The following FBXL2 variants were observed in gnomAD, a reference collection of about 807,000 sequenced individuals.
FBXL2 encodes F-box/LRR-repeat protein 2.
A neutral mutation model predicts 69.2 loss-of-function variants in FBXL2; 38 were observed. The ratio of observed to expected loss-of-function variants is 0.55; its 90% CI spans 0.42 to 0.72. FBXL2 has a LOEUF of 0.72. FBXL2 is among the 30% of genes least tolerant of loss of function. FBXL2 has a pLI of 0.00. For synonymous variants in FBXL2, 192 were observed against 201.3 expected (o/e 0.95, Z 0.39); for missense variants, 354 against 520.3 (o/e 0.68, Z 3.11).
At chr3:33,392,275 T>C (rs116065258), downstream of FBXL2, 266 of 304,998 alleles carry the variant, frequency 8.7e-4, 1 homozygote, top group African/African-American at 5.4e-3. Context: ...TCTGTTTTAT[T>C]CAATAGATCC....
intron 1 of FBXL2, among the ~76,000 whole-genome samples, chr3:33,291,484 T>G (rs1042192849): frequency 1.3e-5 from 2 of 152,168 alleles, no homozygotes; most frequent in African/African-American, 4.8e-5. Flanking sequence ...TTTTAAAATA[T>G]GTTTCTTTAA....
intron 2 of FBXL2, among the ~76,000 whole-genome samples, chr3:33,304,397 GT>G: frequency 6.6e-6 from 1 of 151,846 alleles, no homozygotes; most frequent in South Asian, 2.1e-4. Flanking sequence ...TATTAACTTC[GT>G]AAAAAAAGTA....
chr3:33,302,714 G>A lies in FBXL2; in HGVS notation c.65+4989G>A, dbSNP rs115019479. ...AATTTTCTTTCCTTTTTAAATTTGTGTGGATACATGATAAAATTTATTGGC... is the reference window on the plus strand; with the variant it reads ...AATTTTCTTTCCTTTTTAAATTTGTATGGATACATGATAAAATTTATTGGC... On this transcript the variant is annotated intron_variant, in intron 2 of 14. Transcript: ENST00000484457. 7.0e-3 allele frequency among the ~76,000 whole-genome samples: 1,066 copies of A among 152,164 alleles called. 14 individuals are homozygous for A. The highest frequency in any genetic ancestry group is 0.023 in the African/African-American group (969 of 41,484).
the FBXL2 span, chr3:33,412,663 T>C: frequency 9.0e-7 from 1 of 1,115,732 alleles, no homozygotes; most frequent in Non-Finnish European, 1.4e-6. Context: ...ACACAACACA[T>C]TACTGGCTAT....
intron 2 of FBXL2, among the ~76,000 whole-genome samples, chr3:33,335,634 A>C (rs1034232036): frequency 6.6e-6 from 1 of 152,198 alleles, no homozygotes; most frequent in South Asian, 2.1e-4. Context: ...GGTAGACTGC[A>C]AAAGGGACGT....
At chr3:33,290,371 C>T (rs913810802) in intron 1 of FBXL2, among the ~76,000 whole-genome samples, 21 of 152,118 alleles carry the variant, frequency 1.4e-4, no homozygotes, top group South Asian at 6.2e-4. Context: ...TTCTTTTATA[C>T]GCAGTATCTG....
At chr3:33,298,055 A>G in intron 2 of FBXL2, 1 of 303,594 alleles carries the variant, frequency 3.3e-6, no homozygotes, top group Non-Finnish European at 6.3e-6. Flanking sequence ...CATTATTGCA[A>G]GGTTGTGAGC....
At chr3:33,354,710 T>G (rs2041076990) in intron 2 of FBXL2, among the ~76,000 whole-genome samples, 1 of 152,194 alleles carries the variant, frequency 6.6e-6, no homozygotes, top group Non-Finnish European at 1.5e-5. Context: ...CAAAGATGTA[T>G]TTCATTATCG....
intron 2 of FBXL2, among the ~76,000 whole-genome samples, chr3:33,334,860 T>C (rs2039448841): frequency 6.6e-6 from 1 of 151,934 alleles, no homozygotes; most frequent in Non-Finnish European, 1.5e-5. Flanking sequence ...GCAGGTGGAA[T>C]GTTTGAGCTC....
chr3:33,370,082 A>G (rs1256286742), intron 5 of FBXL2, among the ~76,000 whole-genome samples: 1 of 151,968 alleles, frequency 6.6e-6, no homozygotes, highest in African/African-American at 2.4e-5. Flanking sequence ...CAGCTCTTCT[A>G]TGTCTAAAAA....
chr3:33,336,072 T>C (rs2039554685), intron 2 of FBXL2, among the ~76,000 whole-genome samples: 1 of 152,210 alleles, frequency 6.6e-6, no homozygotes, highest in African/African-American at 2.4e-5. Flanking sequence ...GCAGAGTTTT[T>C]TGTTTGGAAG....
chr3:33,334,805 G>A (rs988255492), intron 2 of FBXL2, among the ~76,000 whole-genome samples: 6 of 152,134 alleles, frequency 3.9e-5, no homozygotes, highest in Non-Finnish European at 7.4e-5. Flanking sequence ...GGGAGGCTGG[G>A]TGCAGTGGCT....
downstream of FBXL2, chr3:33,390,514 G>C (rs1159111204): frequency 4.9e-6 from 4 of 812,610 alleles, no homozygotes; most frequent in South Asian, 1.7e-5. Flanking sequence ...AGATTAACTT[G>C]CTCTAGCTCC....
chr3:33,302,587 A>C (rs1046355809), intron 2 of FBXL2, among the ~76,000 whole-genome samples: 3 of 152,240 alleles, frequency 2.0e-5, no homozygotes, highest in African/African-American at 7.2e-5. Context: ...TGCAGTAAAC[A>C]GCTTAAAACA....
chr3:33,286,161 TTGTGGTTTTATC>T (rs939772420), intron 1 of FBXL2, among the ~76,000 whole-genome samples: 1 of 152,190 alleles, frequency 6.6e-6, no homozygotes, highest in African/African-American at 2.4e-5. Flanking sequence ...CTCCTCATCT[TTGTGGTTTTATC>T]TACCTTTGGT....
Position 33,297,839 on chromosome 3 carries a change from C to G in FBXL2, c.65+114C>G, listed in dbSNP as rs1003636664. 42 of 730,852 alleles carry G rather than the reference C, an allele frequency of 5.7e-5. No homozygotes were observed. In the African/African-American group the frequency reaches 7.2e-4, roughly 13 times the overall value. The allele number at this position is 730,852 out of a possible 1,614,324, so 45.3% of individuals were successfully genotyped here. The stretch of plus-strand genomic sequence containing the variant: ...AGCATAGAAAAACAGACAGAATTAG[C>G]CTAACTGACTTTTTGTTTTTGTTTT... On this transcript the variant is annotated intron_variant, in intron 2 of 14. Transcript: ENST00000484457.
intron 1 of FBXL2, among the ~76,000 whole-genome samples, chr3:33,284,086 G>T (rs544811517): frequency 1.8e-4 from 27 of 151,808 alleles, no homozygotes; most frequent in East Asian, 5.8e-4. Context: ...TCTTGCCTTC[G>T]GCTAGCTTTT....
At chr3:33,393,171 T>C in intron 12 of FBXL2, 1 of 960,586 alleles carries the variant, frequency 1.0e-6, no homozygotes, top group Non-Finnish European at 1.5e-6. Flanking sequence ...TTATAAGTTC[T>C]TCCAAAGTGA....
intron 2 of FBXL2, among the ~76,000 whole-genome samples, chr3:33,320,186 C>G (rs1559536215): frequency 6.6e-6 from 1 of 152,000 alleles, no homozygotes; most frequent in South Asian, 2.1e-4. Context: ...ATAGGGACTG[C>G]TCTATAAGCC....
Sources: allele counts gnomAD v4.1 joint callset (sites outside exome capture counted in the v4.1 genomes callset), GRCh38; gene constraint gnomAD v4.1.1; transcripts MANE v1.5; gene names NCBI Gene and HGNC (gene_info 2026-07-23, HGNC 2026-07-21).